The following UBR7 variants were observed in gnomAD, a reference collection of about 807,000 sequenced individuals.
UBR7 encodes ubiquitin protein ligase E3 component n-recognin 7.
A neutral mutation model predicts 57.0 loss-of-function variants in UBR7; 22 were observed. That is an observed-to-expected ratio of 0.39 (90% confidence interval 0.28 to 0.55). The LOEUF is 0.55. Among genes scored for constraint, UBR7 ranks in the 20% least tolerant of loss-of-function variants. The pLI is 0.69. For missense variants in UBR7, 395 were observed against 513.2 expected, an observed-to-expected ratio of 0.77 and a Z score of 2.23; for synonymous variants, 167 against 179.8, an observed-to-expected ratio of 0.93 and a Z score of 0.57.
intron 1 of UBR7, 151 bp downstream of exon 1, chr14:93,207,592 C>T (rs1296123718): frequency 2.0e-5 from 23 of 1,153,484 alleles, no homozygotes; most frequent in Admixed American, 6.2e-5. Flanking sequence ...CCCAAGCTCA[C>T]CCTTCCCTTT....
intron 4 of UBR7, among the ~76,000 whole-genome samples, chr14:93,213,308 T>A (rs1894524550): frequency 6.6e-6 from 1 of 151,888 alleles, no homozygotes; most frequent in Non-Finnish European, 1.5e-5. Context: ...ATAGTATCTT[T>A]TTTTTCATTT....
intron 9 of UBR7, among the ~76,000 whole-genome samples, chr14:93,221,595 T>C (rs1302709377): frequency 1.3e-5 from 2 of 152,120 alleles, no homozygotes; most frequent in African/African-American, 2.4e-5. Context: ...TTTGCCTTTA[T>C]TAGAGTAAAA....
chr14:93,221,649 C>G (rs1261088687), intron 9 of UBR7, among the ~76,000 whole-genome samples: 1 of 152,104 alleles, frequency 6.6e-6, no homozygotes, highest in East Asian at 1.9e-4. Context: ...ACTTGTAGCC[C>G]TCAAGGTACC....
At chr14:93,214,896 T>C (rs752253726) in intron 4 of UBR7, 33 bp from the exon 5 acceptor site, 1 of 1,596,074 alleles carries the variant, frequency 6.3e-7, no homozygotes. Flanking sequence ...CCGAATTCAA[T>C]GTAATCCTTA....
intron 1 of UBR7, among the ~76,000 whole-genome samples, chr14:93,208,351 G>A (rs1445469308): frequency 6.6e-6 from 1 of 151,954 alleles, no homozygotes; most frequent in African/African-American, 2.4e-5. Flanking sequence ...TGTTGACCAA[G>A]GTTAGTTTAC....
At chr14:93,214,805 T>C in intron 4 of UBR7, 124 bp from the exon 5 acceptor site, 4 of 831,800 alleles carry the variant, frequency 4.8e-6, no homozygotes, top group South Asian at 1.4e-5. Flanking sequence ...CTTATCTCAA[T>C]GTAAGCCTTT....
chr14:93,222,969 A>G (rs1331098325), intron 10 of UBR7, among the ~76,000 whole-genome samples: 1 of 152,192 alleles, frequency 6.6e-6, no homozygotes. Context: ...ATTGGAAGGA[A>G]TCCGCAGTAC....
intron 10 of UBR7, among the ~76,000 whole-genome samples, chr14:93,224,372 C>CTTTTTTTTTTTTTTTTTTTTTTT (rs761189322): frequency 1.1e-5 from 1 of 93,792 alleles, no homozygotes; most frequent in African/African-American, 5.1e-5. Context: ...CCTTACAGTT[C>CTTTTTTTTTTTTTTTTTTTTTTT]TTTTTTTTTT....
chr14:93,209,650 C>T (rs1000696486), intron 1 of UBR7, among the ~76,000 whole-genome samples, 174 bp from the exon 2 acceptor site: 3 of 152,190 alleles, frequency 2.0e-5, no homozygotes, highest in Admixed American at 1.3e-4. Context: ...AAACTTGCAA[C>T]GCAACTGTGT....
At chr14:93,207,472 C>A in intron 1 of UBR7, 31 bp downstream of exon 1, 3 of 1,518,998 alleles carry the variant, frequency 2.0e-6, no homozygotes, top group East Asian at 2.4e-5. Context: ...TCCTCTCCCC[C>A]GGCTCCCGCC....
chr14:93,216,197 C>T (rs766209858), intron 6 of UBR7, among the ~76,000 whole-genome samples: 4 of 152,212 alleles, frequency 2.6e-5, no homozygotes, highest in Non-Finnish European at 2.9e-5. Context: ...CAGGCACACA[C>T]TACCATGCCC....
At position 93,228,671 on chromosome 14, in the gene UBR7, C is replaced by T. The variant is rs1486509196; in HGVS notation, c.*1636C>T. The stretch of plus-strand genomic sequence containing the variant: ...GTGCAGAGGGCTCCGTTCAAAGGCT[C>T]GGGGTGTCTTTGAGGTTGTTTATCA... On this transcript the variant is annotated 3_prime_UTR_variant, in exon 11 of 11. Transcript: ENST00000013070. The T allele has an allele frequency of 2.2e-6, 1 of 454,038 alleles. No individual in the cohort carries two copies. 28.1% of individuals were successfully genotyped at this position (454,038 alleles called of 1,614,324 possible). A position where few individuals can be genotyped will look rare whatever the true frequency, so the allele number is the denominator to read the frequency against.
intron 1 of UBR7, among the ~76,000 whole-genome samples, chr14:93,208,197 G>A (rs1482449500): frequency 6.6e-6 from 1 of 152,116 alleles, no homozygotes; most frequent in Non-Finnish European, 1.5e-5. Context: ...AAAAGGATGG[G>A]TAGGAAGAAG....
rs1413544431 is a variant in UBR7 at position 93,227,275 on chromosome 14, C to T, written c.*240C>T. On this transcript the variant is annotated 3_prime_UTR_variant, in exon 11 of 11. Coordinates refer to ENST00000013070, the MANE Select transcript of UBR7 (RefSeq NM_175748.4). Reference sequence around the variant, plus strand: ...CAGACTTCTCCAGTGTACTCCTACTCCAGTGCACCCAGGGTTATTTGCATA... The same window carrying T: ...CAGACTTCTCCAGTGTACTCCTACTTCAGTGCACCCAGGGTTATTTGCATA... The T allele has an allele frequency of 8.2e-6, 5 of 612,630 alleles. No individual in the cohort carries two copies. Among genetic ancestry groups the T allele is most frequent in the South Asian group, 1.5e-5 (1 of 65,892 alleles). 37.9% of individuals were successfully genotyped at this position (612,630 alleles called of 1,614,324 possible).
chr14:93,208,362 A>C (rs527667046), intron 1 of UBR7, among the ~76,000 whole-genome samples: 14 of 152,198 alleles, frequency 9.2e-5, no homozygotes, highest in Admixed American at 3.9e-4. Flanking sequence ...GTTAGTTTAC[A>C]CTGCAAAGTG....
chr14:93,214,303 T>A (rs1451036355), intron 4 of UBR7, among the ~76,000 whole-genome samples: 1 of 152,228 alleles, frequency 6.6e-6, no homozygotes, highest in East Asian at 1.9e-4. Flanking sequence ...TTTATTCCCT[T>A]TAAGAAGCCT....
At chr14:93,214,595 C>CAGT (rs919124691) in intron 4 of UBR7, among the ~76,000 whole-genome samples, 1 of 152,180 alleles carries the variant, frequency 6.6e-6, no homozygotes, top group African/African-American at 2.4e-5. Flanking sequence ...CATCCTTATA[C>CAGT]AGTAATACAA....
At position 93,207,290 on chromosome 14, in the gene UBR7, G is replaced by C. The variant is rs1487413760; in HGVS notation, c.-2G>C. The C allele has an allele frequency of 1.7e-5, 27 of 1,553,798 alleles. No individual in the cohort carries two copies. The highest frequency in any genetic ancestry group is 2.4e-5 in the Non-Finnish European group (27 of 1,148,656). ...GAGCCGCTGTTCGGCTGACAGTTGA[G>C]GATGGCCGGAGCCGAGGGCGCCGCT... On this transcript the variant is annotated 5_prime_UTR_variant, in exon 1 of 11. Transcript: ENST00000013070.
In UBR7 at chr14:93,226,926, T is replaced by G. The variant is rs1161552535; in HGVS notation, c.1186-17T>G. 1 of 1,598,314 alleles carries G rather than the reference T, an allele frequency of 6.3e-7. No homozygotes were observed. Among genetic ancestry groups the G allele is most frequent in the Non-Finnish European group, 8.6e-7 (1 of 1,166,558 alleles). ...GTTACTTAGTTCTCTTTCATAATCT[T>G]TGCTTTTCAAAAACAGGTTGTTAAG... On this transcript the variant is annotated splice_polypyrimidine_tract_variant and intron_variant, in intron 10 of 10. Coordinates refer to ENST00000013070, the MANE Select transcript of UBR7 (RefSeq NM_175748.4).
Sources: gnomAD v4.1 joint callset for allele counts (sites outside exome capture counted in the v4.1 genomes callset) on GRCh38, gnomAD v4.1.1 for gene constraint, MANE v1.5 for transcripts, NCBI Gene and HGNC (gene_info 2026-07-23, HGNC 2026-07-21) for gene names.